GNAI2: variants seen among roughly 807,000 people sequenced by gnomAD.
GNAI2 encodes guanine nucleotide-binding protein G(i) subunit alpha-2.
In GNAI2, 4 loss-of-function variants were observed where a neutral mutation model predicts 36.8. The ratio of observed to expected loss-of-function variants is 0.11; its 90% CI spans 0.05 to 0.25. The LOEUF is 0.25. GNAI2 is among the 10% of genes least tolerant of loss of function. The pLI, the probability that GNAI2 is intolerant of heterozygous loss-of-function variation, is 1.00. For synonymous variants in GNAI2, 194 were observed against 194.1 expected, an observed-to-expected ratio of 1.00 and a Z score of 0.01; for missense variants, 230 against 481.3, an observed-to-expected ratio of 0.48 and a Z score of 4.89.
chr3:50,256,120 G>T, intron 4 of GNAI2, 72 bp from the exon 5 acceptor site: 1 of 704,078 alleles, frequency 1.4e-6, no homozygotes. Flanking sequence ...GGGGCCTCTT[G>T]CAGCTGGCCC....
chr3:50,227,153 G>C, upstream of GNAI2: 1 of 1,446,298 alleles, frequency 6.9e-7, no homozygotes, highest in Non-Finnish European at 9.1e-7. The surrounding 1 kb of genome is among the most constrained non-coding windows in gnomAD (Gnocchi z 5.9). Flanking sequence ...CGCTAGGCTG[G>C]ACGAAGCAGA....
chr3:50,251,099 C>T (rs963126820), intron 1 of GNAI2, among the ~76,000 whole-genome samples: 12 of 152,194 alleles, frequency 7.9e-5, no homozygotes, highest in Non-Finnish European at 1.5e-5. Context: ...GCATGAGCCA[C>T]CACTCCCGGC....
chr3:50,256,075 C>CAA, intron 4 of GNAI2, 117 bp from the exon 5 acceptor site: 1 of 222,658 alleles, frequency 4.5e-6, no homozygotes, highest in Non-Finnish European at 8.4e-6. Flanking sequence ...AAAAAAAAAG[C>CAA]AAGGGCTGTG....
chr3:50,258,897 G>GA lies in GNAI2; in HGVS notation c.*554_*555insA. ...AGCTTTTTAAAAAAATGAAAGTAAA[G>GA]GAAAAAAAAAAAACTGCAAATCTAG... On this transcript the variant is annotated 3_prime_UTR_variant, in exon 9 of 9. Coordinates refer to ENST00000313601, the MANE Select transcript of GNAI2 (RefSeq NM_002070.4). The GA allele has an allele frequency of 5.3e-5, 21 of 398,864 alleles. No individual in the cohort carries two copies. The East Asian group carries it at 1.6e-3, about 31-fold the overall frequency. The allele number at this position is 398,864 out of a possible 1,614,324, so 24.7% of individuals were successfully genotyped here.
upstream of GNAI2, chr3:50,227,094 A>G (rs922538142): frequency 3.0e-6 from 4 of 1,317,186 alleles, no homozygotes; most frequent in Non-Finnish European, 3.9e-6. This position sits in a 1 kb window ranked among gnomAD's most constrained non-coding sequence, Gnocchi z 5.9. Flanking sequence ...TCTGCTGTGA[A>G]GTGGAAGCGC....
At chr3:50,256,414 G>A (rs1700705955) in intron 5 of GNAI2, 94 bp downstream of exon 5, 2 of 1,233,288 alleles carry the variant, frequency 1.6e-6, no homozygotes, top group Admixed American at 1.7e-5. Context: ...CAGCCCCACT[G>A]AGGTTTTACA....
intron 1 of GNAI2, among the ~76,000 whole-genome samples, chr3:50,239,174 A>AG (rs1700249189): frequency 6.6e-6 from 1 of 152,112 alleles, no homozygotes; most frequent in Non-Finnish European, 1.5e-5. Flanking sequence ...AGTGTATGTG[A>AG]GGGGGGAGAG....
chr3:50,248,358 G>T (rs921920368), intron 1 of GNAI2, among the ~76,000 whole-genome samples: 1 of 152,192 alleles, frequency 6.6e-6, no homozygotes, highest in East Asian at 1.9e-4. Context: ...TCTGGTAGGG[G>T]GCATCCCTCA....
At chr3:50,250,839 C>T (rs1444384423) in intron 1 of GNAI2, among the ~76,000 whole-genome samples, 3 of 148,294 alleles carry the variant, frequency 2.0e-5, no homozygotes, top group African/African-American at 5.0e-5. Context: ...GACCAAGTTT[C>T]GCTCTTGTTG....
Position 50,256,178 on chromosome 3 carries a change from CCCCCCAT to C in GNAI2, c.465-9_465-3del. 2.8e-6 allele frequency: 4 copies of C among 1,404,792 alleles called. No individual in the cohort carries two copies. The highest frequency in any genetic ancestry group is 4.0e-6 in the Non-Finnish European group (4 of 1,007,216). The allele number at this position is 1,404,792 out of a possible 1,614,324, so 87.0% of individuals were successfully genotyped here. On this transcript the variant is annotated splice_region_variant and splice_polypyrimidine_tract_variant and intron_variant, in intron 4 of 8. Transcript: ENST00000313601. ...ATGCTGGCCCCCACTGACCCTCCCA[CCCCCCAT>C]CCCCAGCTACCTGAACGACCTGGAG...
Position 50,258,626 on chromosome 3 carries a change from G to T in GNAI2, c.*283G>T, listed in dbSNP as rs1223471662. On this transcript the variant is annotated 3_prime_UTR_variant, in exon 9 of 9. Coordinates refer to ENST00000313601, the MANE Select transcript of GNAI2 (RefSeq NM_002070.4). ...TGGTTTTTAACCATTGTCTTGTTCT[G>T]TGATGAGGGGAGGGGGGCACATGCT... The T allele has an allele frequency of 6.4e-6, 2 of 311,132 alleles. No individual in the cohort carries two copies. The highest frequency in any genetic ancestry group is 1.3e-5 in the Non-Finnish European group (2 of 159,312). The allele number at this position is 311,132 out of a possible 1,614,324, so 19.3% of individuals were successfully genotyped here.
At chr3:50,235,414 G>T (rs1700141739), upstream of GNAI2, 2 of 152,146 alleles carry the variant, frequency 1.3e-5, no homozygotes, top group East Asian at 1.9e-4. Flanking sequence ...CCGCCACCCG[G>T]GTTGAAGCAG....
At chr3:50,235,450 G>GC, upstream of GNAI2, among the ~76,000 whole-genome samples, 1 of 152,200 alleles carries the variant, frequency 6.6e-6, no homozygotes, top group Middle Eastern at 3.4e-3. Context: ...CTCCTGAGCA[G>GC]GTGGGATTAC....
chr3:50,240,208 G>A (rs1700268284), intron 1 of GNAI2, among the ~76,000 whole-genome samples: 1 of 152,186 alleles, frequency 6.6e-6, no homozygotes, highest in African/African-American at 2.4e-5. Context: ...TGGGATTCTG[G>A]CTGGCTGGGT....
Position 50,256,955 on chromosome 3 carries a change from A to C in GNAI2, c.742A>C (p.Met248Leu). The C allele has an allele frequency of 6.2e-7, 1 of 1,614,204 alleles. No individual in the cohort carries two copies. The highest frequency in any genetic ancestry group is 8.5e-7 in the Non-Finnish European group (1 of 1,180,032). ...CCCCCAGAACCGCATGCATGAGAGC[A>C]TGAAGCTATTCGATAGCATCTGCAA... ...DEEMNRMHES[M>L]KLFDSICNNK... The change falls in exon 7 of 9, where the codon ATG (methionine) becomes CTG (leucine). Residue 248 changes from methionine (M) to leucine (L), a missense_variant. Physicochemically the swap from Met to Leu is conservative, Grantham distance 15 (BLOSUM62 2). Around this residue, in one of 4 missense-constraint regions of GNAI2, gnomAD observed 30 missense variants for 128.7 expected, o/e 0.23. Transcript: ENST00000313601.
rs2109212438 is a variant in GNAI2 at position 50,253,156 on chromosome 3, G to T, written c.436G>T (p.Glu146Ter). ...GCAGGCCTGCTTTGGCCGCTCAAGGGAATACCAGCTCAACGACTCAGCTGC... is the reference window on the plus strand; with the variant it reads ...GCAGGCCTGCTTTGGCCGCTCAAGGTAATACCAGCTCAACGACTCAGCTGC... ...GVQACFGRSR[E>*]YQLNDSAAYY... Residue 146 changes from glutamate to a stop codon, truncating the protein, a stop_gained, in exon 4 of 9, where the codon GAA becomes TAA. Coordinates refer to ENST00000313601, the MANE Select transcript of GNAI2 (RefSeq NM_002070.4). LOFTEE classifies it high-confidence loss of function. This position sits in a 1 kb window ranked among gnomAD's most constrained non-coding sequence, Gnocchi z 4.2. 1 of 1,611,974 alleles carries T rather than the reference G, an allele frequency of 6.2e-7. No homozygotes were observed. The highest frequency in any genetic ancestry group is 1.7e-4 in the Middle Eastern group (1 of 6,052).
chr3:50,258,830 G>C lies in GNAI2; in HGVS notation c.*487G>C. 1 of 422,924 alleles carries C rather than the reference G, an allele frequency of 2.4e-6. No individual in the cohort carries two copies. The highest frequency in any genetic ancestry group is 4.6e-6 in the Non-Finnish European group (1 of 218,412). 26.2% of individuals were successfully genotyped at this position (422,924 alleles called of 1,614,324 possible). On this transcript the variant is annotated 3_prime_UTR_variant, in exon 9 of 9. Transcript: ENST00000313601. The stretch of plus-strand genomic sequence containing the variant: ...GGAAAAAGCACAAGAAGCGTGAGAC[G>C]CCACCATTCCTGGAAACCACAGTCC...
At position 50,236,968 on chromosome 3, in the gene GNAI2, G is replaced by A. The variant is rs1700187629; in HGVS notation, c.118+515G>A. Among the ~76,000 whole-genome samples the A allele has an allele frequency of 6.6e-6, 1 of 152,008 alleles. No homozygotes were observed. The highest frequency in any genetic ancestry group is 1.5e-5 in the Non-Finnish European group (1 of 68,016). ...AGTCTGGAATCTGTATCCTCCACCT[G>A]TGCACTCTGACCCAAGGAACCTCTC... On this transcript the variant is annotated intron_variant, in intron 1 of 8. Transcript: ENST00000313601. This position sits in a 1 kb window ranked among gnomAD's most constrained non-coding sequence, Gnocchi z 4.0.
At chr3:50,233,800 C>G (rs587723184), upstream of GNAI2, among the ~76,000 whole-genome samples, 4 of 151,120 alleles carry the variant, frequency 2.6e-5, no homozygotes, top group Non-Finnish European at 4.4e-5. Flanking sequence ...GACCCCTCAA[C>G]AAGAGAGACA....
Sources: gnomAD v4.1 joint callset for allele counts (sites outside exome capture counted in the v4.1 genomes callset) on GRCh38, gnomAD v4.1.1 for gene constraint, gnomAD v4.1.1 regional missense constraint, Gnocchi (gnomAD v3.1) non-coding constraint, MANE v1.5 for transcripts, NCBI Gene and HGNC (gene_info 2026-07-23, HGNC 2026-07-21) for gene names.